Variants in SESN1 observed in about 807,000 individuals in gnomAD.
SESN1 encodes sestrin 1.
In SESN1, 30 loss-of-function variants were observed where a neutral mutation model predicts 59.3. That is an observed-to-expected ratio of 0.51 (90% CI 0.38 to 0.69). The LOEUF is 0.69. Among genes scored for constraint, SESN1 ranks in the 30% least tolerant of loss-of-function variants. SESN1 has a pLI of 0.00. For missense variants in SESN1, 566 were observed against 673.0 expected (o/e 0.84, Z 1.76); for synonymous variants, 197 against 219.9 (o/e 0.90, Z 0.92).
intron 1 of SESN1, among the ~76,000 whole-genome samples, chr6:109,020,901 C>G (rs548031120): frequency 6.6e-6 from 1 of 152,218 alleles, no homozygotes; most frequent in South Asian, 2.1e-4. Flanking sequence ...CTACTTAAAC[C>G]ATTTGATGGT....
chr6:109,085,873 C>T (rs774105463), intron 1 of SESN1, among the ~76,000 whole-genome samples: 2 of 152,160 alleles, frequency 1.3e-5, no homozygotes, highest in Admixed American at 6.5e-5. Context: ...ACTTTAAGCA[C>T]GCTGCCCTCC....
At chr6:109,077,021 T>C (rs557195750) in intron 1 of SESN1, among the ~76,000 whole-genome samples, 1 of 152,360 alleles carries the variant, frequency 6.6e-6, no homozygotes, top group East Asian at 1.9e-4. Flanking sequence ...TTCTATAGCA[T>C]GTTGCTGGAC....
At chr6:109,045,010 C>T (rs1402400369) in intron 1 of SESN1, among the ~76,000 whole-genome samples, 4 of 151,400 alleles carry the variant, frequency 2.6e-5, no homozygotes, top group South Asian at 2.1e-4. Flanking sequence ...GCAACAAGAG[C>T]GAGACTCCAT....
intron 8 of SESN1, among the ~76,000 whole-genome samples, chr6:108,989,514 T>G (rs554195561): frequency 8.1e-4 from 122 of 150,904 alleles, no homozygotes; most frequent in South Asian, 1.9e-3. Flanking sequence ...TCTATATATA[T>G]ATAGAGAGAT....
chr6:109,029,378 T>A (rs1458903775), intron 1 of SESN1, among the ~76,000 whole-genome samples: 1 of 152,238 alleles, frequency 6.6e-6, no homozygotes, highest in African/African-American at 2.4e-5. Flanking sequence ...TTCAGAGCAA[T>A]TCTTAAGAGA....
At chr6:109,006,442 TCC>T (rs572052397) in intron 1 of SESN1, among the ~76,000 whole-genome samples, 1 of 106,754 alleles carries the variant, frequency 9.4e-6, no homozygotes, top group Non-Finnish European at 1.9e-5. Context: ...ATGCTATCCC[TCC>T]CCCCACCCCC....
At chr6:109,020,674 C>T (rs778882175) in intron 1 of SESN1, among the ~76,000 whole-genome samples, 17 of 152,150 alleles carry the variant, frequency 1.1e-4, no homozygotes, top group Non-Finnish European at 2.4e-4. Context: ...AAGGGATTTT[C>T]AAGAGTTACA....
intron 1 of SESN1, among the ~76,000 whole-genome samples, chr6:109,077,129 T>C (rs927702632): frequency 6.6e-6 from 1 of 152,230 alleles, no homozygotes; most frequent in Admixed American, 6.5e-5. Context: ...TATAATCTTA[T>C]AGTACCACTA....
chr6:108,996,936 C>A (rs1779511490), intron 5 of SESN1, among the ~76,000 whole-genome samples: 1 of 152,100 alleles, frequency 6.6e-6, no homozygotes, highest in African/African-American at 2.4e-5. Context: ...AGAAGCCAAT[C>A]TGAAAAGGCT....
chr6:108,998,410 A>G, intron 5 of SESN1, 103 bp downstream of exon 5: 1 of 1,380,476 alleles, frequency 7.2e-7, no homozygotes, highest in Non-Finnish European at 9.9e-7. Flanking sequence ...ATATCTCCAC[A>G]GTCTTAACAG....
intron 1 of SESN1, among the ~76,000 whole-genome samples, chr6:109,056,055 C>G (rs1164625584): frequency 6.6e-6 from 1 of 152,212 alleles, no homozygotes; most frequent in African/African-American, 2.4e-5. Flanking sequence ...TGTTAGCTAG[C>G]TAGGTGCCAG....
chr6:109,061,763 C>G (rs1050540532), intron 1 of SESN1, among the ~76,000 whole-genome samples: 3 of 151,812 alleles, frequency 2.0e-5, no homozygotes, highest in African/African-American at 7.3e-5. Context: ...GAGAGCGCAC[C>G]ACTGCACTCC....
intron 1 of SESN1, among the ~76,000 whole-genome samples, chr6:109,054,441 T>C (rs1191964114): frequency 6.6e-6 from 1 of 152,176 alleles, no homozygotes; most frequent in African/African-American, 2.4e-5. Flanking sequence ...AGAGCTCTAT[T>C]GTGAAGAAAT....
At chr6:108,988,491 A>C in intron 9 of SESN1, 52 bp downstream of exon 9, 3 of 1,505,210 alleles carry the variant, frequency 2.0e-6, no homozygotes, top group Admixed American at 4.0e-5. Context: ...GGTGAAGGAG[A>C]CTACGAATCA....
chr6:109,064,894 C>T (rs149131286), intron 1 of SESN1, among the ~76,000 whole-genome samples: 1 of 152,034 alleles, frequency 6.6e-6, no homozygotes, highest in Non-Finnish European at 1.5e-5. Context: ...CAACAATAAC[C>T]AGTCCTCTGT....
At chr6:109,051,323 C>G (rs761169189) in intron 1 of SESN1, among the ~76,000 whole-genome samples, 2 of 149,694 alleles carry the variant, frequency 1.3e-5, no homozygotes, top group African/African-American at 2.4e-5. Flanking sequence ...AACATTGAAA[C>G]TGAGTCAGAC....
intron 1 of SESN1, among the ~76,000 whole-genome samples, chr6:109,086,342 A>T (rs1781213233): frequency 1.3e-5 from 2 of 152,132 alleles, no homozygotes; most frequent in African/African-American, 4.8e-5. Context: ...ACAGAGTGAG[A>T]CTCCATCTCA....
chr6:108,988,647 C>G lies in SESN1; in HGVS notation c.1465G>C (p.Asp489His). ...TTGATATAAACTTTAAAGCTACGAT[C>G]CAATAGCTGGTTAATTTCACCATAG... The part of the protein sequence containing the change: ...YDYGEINQLL[D>H]RSFKVYIKTV... The change falls in exon 9 of 10, where the codon GAT becomes CAT. Residue 489 changes from aspartate (D) to histidine (H), a missense_variant. By Grantham distance (81) the Asp-to-His change is moderately conservative. Transcript: ENST00000436639. The G allele has an allele frequency of 6.2e-7, 1 of 1,610,424 alleles. No individual in the cohort carries two copies. The highest frequency in any genetic ancestry group is 8.5e-7 in the Non-Finnish European group (1 of 1,177,940).
chr6:108,988,740 C>A, intron 8 of SESN1, 53 bp from the exon 9 acceptor site: 1 of 1,433,588 alleles, frequency 7.0e-7, no homozygotes, highest in South Asian at 1.4e-5. Context: ...AACCTGTTTT[C>A]ATCTTACAAA....
Sources: allele counts gnomAD v4.1 joint callset (sites outside exome capture counted in the v4.1 genomes callset), GRCh38; gene constraint gnomAD v4.1.1; transcripts MANE v1.5; gene names NCBI Gene and HGNC (gene_info 2026-07-23, HGNC 2026-07-21).